HSPG2: variants seen among roughly 807,000 people sequenced by gnomAD.
HSPG2 encodes the protein heparan sulfate proteoglycan 2.
Under a neutral mutation model 526.6 loss-of-function variants are expected in HSPG2, and 278 were observed. The ratio of observed to expected loss-of-function variants is 0.53; its 90% confidence interval spans 0.48 to 0.58. HSPG2 has a LOEUF of 0.58. Ranked by LOEUF, HSPG2 falls within the 20% of genes least tolerant of loss-of-function variation. The pLI, the probability that HSPG2 is intolerant of heterozygous loss-of-function variation, is 0.00. For synonymous variants in HSPG2, 2,465 were observed against 2,555.4 expected, an observed-to-expected ratio of 0.96 and a Z score of 1.07; for missense variants, 5,354 against 6,099.5, an observed-to-expected ratio of 0.88 and a Z score of 4.07.
chr1:21,842,279 G>A lies in HSPG2; in HGVS notation c.9012C>T (p.Ser3004=). The change falls in exon 68 of 97, where the codon TCC becomes TCT. Residue 3004 remains serine, a synonymous_variant. Coordinates refer to ENST00000374695, the MANE Select transcript of HSPG2 (RefSeq NM_005529.7). The part of the protein sequence containing the change: ...ASGPGPEQEA[S]FTVTVPPSEG... ...CACTGGGCGGGACGGTGACTGTGAA[G>A]GAGGCTTCTTGCTCAGGGCCTGGGC... 3 of 1,613,580 alleles carry A rather than the reference G, an allele frequency of 1.9e-6. No individual in the cohort carries two copies. Among genetic ancestry groups the A allele is most frequent in the Non-Finnish European group, 2.5e-6 (3 of 1,179,914 alleles).
chr1:21,928,922 TTTA>T (rs144862047), intron 1 of HSPG2, among the ~76,000 whole-genome samples: 5 of 151,976 alleles, frequency 3.3e-5, no homozygotes, highest in African/African-American at 4.8e-5. Context: ...AGCTGATTTT[TTTA>T]TTATTATTAT....
In HSPG2 at chr1:21,839,654, G is replaced by A; in HGVS notation, c.9710-104C>T. ...GCCCTGGGTGATCCTGTCCCTCTATGGGGACCCCAGTTGGGTTCCTCGGCC... is the reference window on the plus strand; with the variant it reads ...GCCCTGGGTGATCCTGTCCCTCTATAGGGACCCCAGTTGGGTTCCTCGGCC... On this transcript the variant is annotated intron_variant, in intron 72 of 96. Transcript: ENST00000374695. This position sits in a 1 kb window ranked among gnomAD's most constrained non-coding sequence, Gnocchi z 4.5. The A allele has an allele frequency of 6.9e-7, 1 of 1,443,318 alleles. No homozygotes were observed. Among genetic ancestry groups the A allele is most frequent in the Non-Finnish European group, 9.5e-7 (1 of 1,047,872 alleles). The allele number at this position is 1,443,318 out of a possible 1,614,324, so 89.4% of individuals were successfully genotyped here. A position where few individuals can be genotyped will look rare whatever the true frequency, so the allele number is the denominator to read the frequency against.
intron 3 of HSPG2, among the ~76,000 whole-genome samples, chr1:21,891,686 C>T (rs906461937): frequency 6.6e-6 from 1 of 152,170 alleles, no homozygotes; most frequent in Non-Finnish European, 1.5e-5. Context: ...TCACAGCTCA[C>T]TGCAGCCTCA....
At chr1:21,876,771 A>C in intron 21 of HSPG2, 119 bp from the exon 22 acceptor site, 1 of 1,346,118 alleles carries the variant, frequency 7.4e-7, no homozygotes, top group Non-Finnish European at 1.0e-6. Context: ...CTGAAAGAGC[A>C]CATGTGGCTG....
In HSPG2 at chr1:21,875,659, G is replaced by A; in HGVS notation, c.3272C>T (p.Ala1091Val). 2.5e-6 allele frequency: 4 copies of A among 1,602,860 alleles called. No homozygotes were observed. The highest frequency in any genetic ancestry group is 3.4e-6 in the Non-Finnish European group (4 of 1,179,942). The change falls in exon 25 of 97, where the codon GCA becomes GTA. Residue 1091 changes from alanine (A) to valine (V), a missense_variant. Physicochemically the swap from Ala to Val is moderately conservative, Grantham distance 64 (BLOSUM62 0). Transcript: ENST00000374695. ...LAGIDTLLIR[A>V]SYAQQPAESR... ...CTCAGCGGGCTGCTGGGCGTAGGAT[G>A]CTCGGATCAGGAGGGTGTCGATGCC...
rs190295714 is a variant in HSPG2, at chr1:21,830,452, C to T, written c.11672-361G>A. ...CTGTAATCCCAGCACTTTGGGAGGC[C>T]GAGGTGGGTGGATCACCTGAGGTCA... On this transcript the variant is annotated intron_variant, in intron 85 of 96. Transcript: ENST00000374695. The T allele has an allele frequency of 9.5e-3, 3,147 of 330,988 alleles. 77 individuals carry two copies. Among genetic ancestry groups the T allele is most frequent in the African/African-American group, 0.062 (2,923 of 46,976 alleles). The allele number at this position is 330,988 out of a possible 1,614,324, so 20.5% of individuals were successfully genotyped here.
rs1013459132 is a variant in HSPG2 at position 21,841,305 on chromosome 1, C to A, written c.9329-20G>T. On this transcript the variant is annotated intron_variant, in intron 70 of 96. Transcript: ENST00000374695. ...GGGGCCCTGTGCGGAGGAATGACAACCACTGACACACAGGCAGGGCTCTGC... is the reference window on the plus strand; with the variant it reads ...GGGGCCCTGTGCGGAGGAATGACAAACACTGACACACAGGCAGGGCTCTGC... 1 of 1,613,106 alleles carries A rather than the reference C, an allele frequency of 6.2e-7. No homozygotes were observed. Among genetic ancestry groups the A allele is most frequent in the African/African-American group, 1.3e-5 (1 of 75,060 alleles).
At chr1:21,906,429 G>A (rs111633741) in intron 1 of HSPG2, among the ~76,000 whole-genome samples, 21 of 152,308 alleles carry the variant, frequency 1.4e-4, no homozygotes, top group African/African-American at 4.6e-4. Flanking sequence ...CAAGGAGGTC[G>A]GCTCCCCCTG....
In HSPG2 at chr1:21,832,488, G is replaced by T. The variant is rs755827201; in HGVS notation, c.11207+7C>A. 7 of 1,611,084 alleles carry T rather than the reference G, an allele frequency of 4.3e-6. No homozygotes were observed. In the African/African-American group the frequency reaches 5.3e-5, roughly 12 times the overall value. ...CCCCCTGTAGGTGGGGAGGCTGGGG[G>T]TCTCACCGGAACTCGGGCCTTCCCC... On this transcript the variant is annotated splice_region_variant and intron_variant, in intron 81 of 96. Transcript: ENST00000374695.
In HSPG2 at chr1:21,898,781, A is replaced by G. The variant is rs1214910835; in HGVS notation, c.64-2471T>C. The stretch of plus-strand genomic sequence containing the variant: ...CTGGTGGGGGGCTCTGTCAATGCCA[A>G]TCCCCCTCTCATTGCAACCAAGGTT... On this transcript the variant is annotated intron_variant, in intron 1 of 96. Transcript: ENST00000374695. This position sits in a 1 kb window ranked among gnomAD's most constrained non-coding sequence, Gnocchi z 4.0. Among the ~76,000 whole-genome samples, 1 of 152,172 alleles carries G rather than the reference A, an allele frequency of 6.6e-6. No individual in the cohort carries two copies. Among genetic ancestry groups the G allele is most frequent in the African/African-American group, 2.4e-5 (1 of 41,440 alleles).
intron 17 of HSPG2, among the ~76,000 whole-genome samples, chr1:21,879,730 G>GT (rs1279151996): frequency 6.6e-6 from 1 of 151,942 alleles, no homozygotes; most frequent in African/African-American, 2.4e-5. Context: ...TTGGCCTACT[G>GT]TAACCTCCAC....
rs1392905592 is a variant in HSPG2, at chr1:21,851,543, T to C, written c.7158+3A>G. The C allele has an allele frequency of 4.3e-6, 7 of 1,613,698 alleles. No individual in the cohort carries two copies. The highest frequency in any genetic ancestry group is 4.5e-5 in the East Asian group (2 of 44,896). On this transcript the variant is annotated splice_donor_region_variant and intron_variant, in intron 55 of 96. Transcript: ENST00000374695. ...TTGGCCTGTCTGTCCTCCAGTCCCA[T>C]ACCTGGTGCCGGACAGGGAGGCTGC...
At position 21,872,209 on chromosome 1, in the gene HSPG2, G is replaced by A. The variant is rs1212838487; in HGVS notation, c.4198C>T (p.Pro1400Ser). 1 of 1,551,904 alleles carries A rather than the reference G, an allele frequency of 6.4e-7. No individual in the cohort carries two copies. Among genetic ancestry groups the A allele is most frequent in the Admixed American group, 2.0e-5 (1 of 51,038 alleles). The change falls in exon 33 of 97, where the codon CCG becomes TCG. Residue 1400 changes from proline (P) to serine (S), a missense_variant. Physicochemically the swap from Pro to Ser is moderately conservative, Grantham distance 74. Transcript: ENST00000374695. The surrounding 1 kb of genome is among the most constrained non-coding windows in gnomAD (Gnocchi z 5.5). ...ACCTTGTCTCCCTGGTATGTCTCCG[G>A]CAGCTGCCAGTAGAAGGACTCATGG... ...LGHESFYWQL[P>S]ETYQGDKVAA...
In HSPG2 at chr1:21,847,665, C is replaced by G. The variant is rs563553730; in HGVS notation, c.8025+24G>C. 41 of 1,601,966 alleles carry G rather than the reference C, an allele frequency of 2.6e-5. 1 individual carries two copies. In the Admixed American group the frequency reaches 5.9e-4, roughly 23 times the overall value. On this transcript the variant is annotated intron_variant, in intron 61 of 96. Coordinates refer to ENST00000374695, the MANE Select transcript of HSPG2 (RefSeq NM_005529.7). The surrounding 1 kb of genome is among the most constrained non-coding windows in gnomAD (Gnocchi z 4.1). ...CCCCAGGAGACCATGGTTCCACCCC[C>G]GCTGCTGTGGCTCCACTCTGTACCT...
At chr1:21,870,135 G>C (rs1380698643) in intron 33 of HSPG2, 1 of 589,454 alleles carries the variant, frequency 1.7e-6, no homozygotes, top group South Asian at 7.4e-5. Flanking sequence ...CTTCGCTCAG[G>C]TGCCTGCCTG....
At chr1:21,851,752 G>A in intron 54 of HSPG2, 39 bp downstream of exon 54, 1 of 1,614,016 alleles carries the variant, frequency 6.2e-7, no homozygotes, top group Non-Finnish European at 8.5e-7. Flanking sequence ...ACTCCAGCCT[G>A]TTCTCTGCAT....
In HSPG2 at chr1:21,839,778, G is replaced by A; in HGVS notation, c.9709+44C>T. On this transcript the variant is annotated intron_variant, in intron 72 of 96. Coordinates refer to ENST00000374695, the MANE Select transcript of HSPG2 (RefSeq NM_005529.7). This position sits in a 1 kb window ranked among gnomAD's most constrained non-coding sequence, Gnocchi z 4.5. ...ATGTGTCTACATTTCAGACCCCAGG[G>A]CATCCCTGCCCTGCCAGCCCTATGT... 2 of 1,598,668 alleles carry A rather than the reference G, an allele frequency of 1.3e-6. No homozygotes were observed. Among genetic ancestry groups the A allele is most frequent in the Non-Finnish European group, 8.5e-7 (1 of 1,170,316 alleles).
Position 21,913,228 on chromosome 1 carries a change from G to C in HSPG2, c.64-16918C>G, listed in dbSNP as rs567404531. Reference sequence around the variant, plus strand: ...GAGGCCTCTGGGAGGGTGGCAATGGGCTAGGTCTTTGTGGGGGTGCTAATC... The same window carrying C: ...GAGGCCTCTGGGAGGGTGGCAATGGCCTAGGTCTTTGTGGGGGTGCTAATC... On this transcript the variant is annotated intron_variant, in intron 1 of 96. Coordinates refer to ENST00000374695, the MANE Select transcript of HSPG2 (RefSeq NM_005529.7). 2.5e-3 allele frequency among the ~76,000 whole-genome samples: 377 copies of C among 152,246 alleles called. 3 individuals are homozygous for C. The highest frequency in any genetic ancestry group is 8.7e-3 in the African/African-American group (360 of 41,534).
At position 21,890,402 on chromosome 1, in the gene HSPG2, C is replaced by A. The variant is rs1394490959; in HGVS notation, c.413+25G>T. 1 of 1,611,422 alleles carries A rather than the reference C, an allele frequency of 6.2e-7. No individual in the cohort carries two copies. The highest frequency in any genetic ancestry group is 2.2e-5 in the East Asian group (1 of 44,864). On this transcript the variant is annotated intron_variant, in intron 5 of 96. Coordinates refer to ENST00000374695, the MANE Select transcript of HSPG2 (RefSeq NM_005529.7). This position sits in a 1 kb window ranked among gnomAD's most constrained non-coding sequence, Gnocchi z 4.1. ...CAGGTTACCCGCTCAAGTCCCCCAGCAGCCCCCAGGGAGCCCCTTCTCACT... is the reference window on the plus strand; with the variant it reads ...CAGGTTACCCGCTCAAGTCCCCCAGAAGCCCCCAGGGAGCCCCTTCTCACT...
Sources: gnomAD v4.1 joint callset for allele counts (sites outside exome capture counted in the v4.1 genomes callset) on GRCh38, gnomAD v4.1.1 for gene constraint, Gnocchi (gnomAD v3.1) non-coding constraint, MANE v1.5 for transcripts, NCBI Gene and HGNC (gene_info 2026-07-23, HGNC 2026-07-21) for gene names.